The following CCSER1 variants were observed in gnomAD, a reference collection of about 807,000 sequenced individuals.
CCSER1 encodes the protein serine-rich coiled-coil domain-containing protein 1.
CCSER1 carries 41 observed loss-of-function variants against 82.0 expected under a neutral mutation model. The ratio of observed to expected loss-of-function variants is 0.50; its 90% CI spans 0.39 to 0.65. The LOEUF is 0.65. Among genes scored for constraint, CCSER1 ranks in the 30% least tolerant of loss-of-function variants. The pLI is 0.00. For missense variants in CCSER1, 1,119 were observed against 1,064.2 expected (o/e 1.05, Z -0.72); for synonymous variants, 414 against 383.9 (o/e 1.08, Z -0.92).
chr4:91,589,893 CACACATAT>C (rs1370887615), intron 10 of CCSER1, among the ~76,000 whole-genome samples: 1 of 146,076 alleles, frequency 6.8e-6, no homozygotes, highest in African/African-American at 2.5e-5. Flanking sequence ...AGTGGGTGAT[CACACATAT>C]ACACACACAC....
intron 6 of CCSER1, among the ~76,000 whole-genome samples, chr4:90,697,241 A>C (rs1219971739): frequency 1.3e-5 from 2 of 152,180 alleles, no homozygotes; most frequent in East Asian, 3.9e-4. Flanking sequence ...GTGAATTCCC[A>C]AATGAGAATT....
chr4:91,076,996 C>T (rs568099912), intron 9 of CCSER1, among the ~76,000 whole-genome samples: 2 of 150,724 alleles, frequency 1.3e-5, no homozygotes, highest in Non-Finnish European at 3.0e-5. Context: ...AGGGCCTCCC[C>T]AGAATATTTG....
chr4:91,549,311 A>G (rs1173187384), intron 10 of CCSER1, among the ~76,000 whole-genome samples: 1 of 151,960 alleles, frequency 6.6e-6, no homozygotes, highest in African/African-American at 2.4e-5. Flanking sequence ...TCATAGTTTT[A>G]TGAAATTCAT....
intron 10 of CCSER1, among the ~76,000 whole-genome samples, chr4:91,577,026 T>A (rs1398357048): frequency 6.6e-6 from 1 of 151,968 alleles, no homozygotes; most frequent in Non-Finnish European, 1.5e-5. Context: ...GCTAAAAAAG[T>A]CATAATTTTG....
chr4:90,481,408 C>T (rs146804978), intron 5 of CCSER1, among the ~76,000 whole-genome samples: 2,419 of 152,204 alleles, frequency 0.016, 39 homozygotes, highest in African/African-American at 0.047. Flanking sequence ...CAACACTATG[C>T]TGAATAGGAG....
At chr4:91,183,876 A>T (rs1179911403) in intron 10 of CCSER1, among the ~76,000 whole-genome samples, 1 of 152,208 alleles carries the variant, frequency 6.6e-6, no homozygotes, top group African/African-American at 2.4e-5. Flanking sequence ...GATAGAAAGC[A>T]GATTACTCAT....
intron 8 of CCSER1, among the ~76,000 whole-genome samples, chr4:90,862,898 ATTTTTTGTCTTT>A (rs1765266397): frequency 9.2e-6 from 1 of 109,072 alleles, no homozygotes; most frequent in Non-Finnish European, 2.0e-5. Flanking sequence ...GGAGCACACT[ATTTTTTGTCTTT>A]TTTTTTTTTT....
intron 8 of CCSER1, among the ~76,000 whole-genome samples, chr4:90,843,630 A>G (rs1299009310): frequency 6.6e-6 from 1 of 152,228 alleles, no homozygotes; most frequent in Non-Finnish European, 1.5e-5. Flanking sequence ...AAACAGAATC[A>G]TTCTCTCATA....
rs895598427 is a variant in CCSER1, at chr4:91,155,214, C to A, written c.2217+69220C>A. On this transcript the variant is annotated intron_variant, in intron 10 of 10. Coordinates refer to ENST00000509176, the MANE Select transcript of CCSER1 (RefSeq NM_001145065.2). ...TAATCCCCACGTTTCATGGGAGGGA[C>A]CTGCTAGGAGGTAATTGAATTATAG... Among the ~76,000 whole-genome samples the A allele has an allele frequency of 3.3e-5, 5 of 151,650 alleles. 1 individual carries two copies. Among genetic ancestry groups the A allele is most frequent in the Non-Finnish European group, 7.4e-5 (5 of 67,760 alleles).
intron 10 of CCSER1, among the ~76,000 whole-genome samples, chr4:91,367,257 C>T (rs1448765117): frequency 2.2e-5 from 3 of 139,496 alleles, no homozygotes; most frequent in African/African-American, 8.1e-5. Context: ...GTGGAGGTTG[C>T]AGTGAGCCAA....
intron 1 of CCSER1, among the ~76,000 whole-genome samples, chr4:90,222,591 G>T (rs556442218): frequency 1.1e-4 from 16 of 152,194 alleles, no homozygotes; most frequent in African/African-American, 3.9e-4. Context: ...TTTTATAGTG[G>T]AATTTTTCTG....
intron 9 of CCSER1, among the ~76,000 whole-genome samples, chr4:91,018,460 A>G (rs1450107127): frequency 6.6e-6 from 1 of 152,138 alleles, no homozygotes; most frequent in Non-Finnish European, 1.5e-5. Flanking sequence ...TCAAGTTACC[A>G]TAATCCAACT....
chr4:91,008,426 T>A (rs1190292951), intron 9 of CCSER1, among the ~76,000 whole-genome samples: 1 of 152,214 alleles, frequency 6.6e-6, no homozygotes, highest in African/African-American at 2.4e-5. Context: ...GTCTTCTTGA[T>A]TAATTATTCC....
intron 9 of CCSER1, among the ~76,000 whole-genome samples, chr4:90,986,943 T>C (rs953049750): frequency 1.3e-5 from 2 of 151,592 alleles, no homozygotes; most frequent in Admixed American, 6.6e-5. Flanking sequence ...GGAAGAGTCA[T>C]GTAGGGTTTA....
chr4:90,220,021 A>C (rs1289599869), intron 1 of CCSER1, among the ~76,000 whole-genome samples: 1 of 152,210 alleles, frequency 6.6e-6, no homozygotes, highest in Admixed American at 6.5e-5. Context: ...GATTTCAGTT[A>C]ACCTGTGGTC....
chr4:91,450,639 T>C (rs1027055577), intron 10 of CCSER1, among the ~76,000 whole-genome samples: 2 of 151,878 alleles, frequency 1.3e-5, no homozygotes, highest in African/African-American at 2.4e-5. Flanking sequence ...ATCTCCTTCA[T>C]TGAGGAGACA....
chr4:90,782,681 C>CTTTTTTTTTTTTTTTTTT (rs200701722), intron 7 of CCSER1, among the ~76,000 whole-genome samples: 10 of 123,976 alleles, frequency 8.1e-5, no homozygotes, highest in African/African-American at 9.0e-5. Flanking sequence ...TCTTTTCTTT[C>CTTTTTTTTTTTTTTTTTT]TTTCTTTTTT....
At chr4:91,346,125 T>C (rs778627665) in intron 10 of CCSER1, among the ~76,000 whole-genome samples, 1 of 151,304 alleles carries the variant, frequency 6.6e-6, no homozygotes, top group Non-Finnish European at 1.5e-5. Flanking sequence ...CCGGGTTCAA[T>C]CCATTTTCCT....
At chr4:90,157,369 G>A (rs1261837211) in intron 1 of CCSER1, among the ~76,000 whole-genome samples, 6 of 152,136 alleles carry the variant, frequency 3.9e-5, no homozygotes, top group Admixed American at 1.3e-4. Context: ...TGCTCTTCTC[G>A]AGTAGTAGCT....
Sources: gnomAD v4.1 joint callset for allele counts (sites outside exome capture counted in the v4.1 genomes callset) on GRCh38, gnomAD v4.1.1 for gene constraint, MANE v1.5 for transcripts, NCBI Gene and HGNC (gene_info 2026-07-23, HGNC 2026-07-21) for gene names.